Variants in NEBL observed in about 807,000 individuals in gnomAD.
The protein encoded by NEBL is nebulette, also known as LIM and SH3 protein 2.
A neutral mutation model predicts 140.2 loss-of-function variants in NEBL; 122 were observed. The observed-to-expected ratio is 0.87, with a 90% CI of 0.75 to 1.01. The LOEUF (loss-of-function observed/expected upper bound fraction) is 1.01, where lower values mean the gene tolerates loss of function less well. NEBL is among the 50% of genes least tolerant of loss of function. NEBL has a pLI of 0.00. For missense variants in NEBL, 1,365 were observed against 1,231.3 expected, an observed-to-expected ratio of 1.11 and a Z score of -1.62; for synonymous variants, 436 against 398.9, an observed-to-expected ratio of 1.09 and a Z score of -1.11.
intron 2 of NEBL, among the ~76,000 whole-genome samples, chr10:21,054,922 T>G (rs1834942166): frequency 6.6e-6 from 1 of 152,170 alleles, no homozygotes; most frequent in African/African-American, 2.4e-5. Flanking sequence ...CAAAGACAGA[T>G]TTCAATGCTT....
At chr10:21,090,196 C>G (rs1041772253) in intron 2 of NEBL, among the ~76,000 whole-genome samples, 25 of 152,284 alleles carry the variant, frequency 1.6e-4, no homozygotes, top group Admixed American at 1.4e-3. Context: ...GTATTTATCA[C>G]CCCAAGAACC....
At chr10:21,183,835 G>C (rs746651920) in intron 3 of NEBL, among the ~76,000 whole-genome samples, 19 of 152,118 alleles carry the variant, frequency 1.2e-4, no homozygotes, top group Admixed American at 6.5e-4. Flanking sequence ...CCAGTGAAAG[G>C]TAATTGAATC....
At chr10:20,851,211 T>C (rs1167675046) in intron 10 of NEBL, among the ~76,000 whole-genome samples, 3 of 152,190 alleles carry the variant, frequency 2.0e-5, no homozygotes, top group African/African-American at 7.2e-5. Context: ...ATTAAACTCA[T>C]AGAAGTTTTT....
intron 3 of NEBL, among the ~76,000 whole-genome samples, chr10:21,183,439 C>G (rs769947689): frequency 2.6e-5 from 4 of 152,066 alleles, no homozygotes; most frequent in Non-Finnish European, 5.9e-5. Context: ...GCAAACTTAA[C>G]AGGGCAAACA....
chr10:21,175,367 C>T (rs576753426), upstream of NEBL, among the ~76,000 whole-genome samples: 5 of 152,286 alleles, frequency 3.3e-5, no homozygotes, highest in South Asian at 1.0e-3. Flanking sequence ...GGAAGCTCCA[C>T]GGAAGAGTCA....
At chr10:21,281,629 A>G (rs1244760182) in intron 1 of NEBL, among the ~76,000 whole-genome samples, 5 of 152,014 alleles carry the variant, frequency 3.3e-5, no homozygotes, top group African/African-American at 9.7e-5. Context: ...ATCCCACACC[A>G]GTGTGGGACA....
At chr10:21,075,378 A>G (rs1836017975) in intron 2 of NEBL, among the ~76,000 whole-genome samples, 1 of 152,042 alleles carries the variant, frequency 6.6e-6, no homozygotes, top group Non-Finnish European at 1.5e-5. Context: ...GTAAATGAAG[A>G]GCTTATTTTT....
At chr10:21,144,236 T>C (rs1839780190) in intron 2 of NEBL, among the ~76,000 whole-genome samples, 1 of 152,210 alleles carries the variant, frequency 6.6e-6, no homozygotes, top group South Asian at 2.1e-4. Flanking sequence ...CCTTCACTTT[T>C]TCCCAGGATT....
chr10:20,834,997 T>C (rs769217214), intron 14 of NEBL, among the ~76,000 whole-genome samples: 8 of 152,356 alleles, frequency 5.3e-5, no homozygotes, highest in South Asian at 2.1e-4. Context: ...GTTCAGGTTA[T>C]ATCAGACCTC....
intron 3 of NEBL, among the ~76,000 whole-genome samples, chr10:21,215,154 G>A (rs901130335): frequency 7.2e-5 from 11 of 152,114 alleles, no homozygotes; most frequent in African/African-American, 2.7e-4. Flanking sequence ...GGTTAGATTT[G>A]CACAAATTAG....
intron 12 of NEBL, among the ~76,000 whole-genome samples, chr10:20,842,970 T>C (rs1260949492): frequency 6.6e-6 from 1 of 152,050 alleles, no homozygotes; most frequent in Non-Finnish European, 1.5e-5. Flanking sequence ...GGATTTGTCT[T>C]TCAGTGCCTG....
At chr10:20,800,530 A>C (rs935065607) in intron 26 of NEBL, among the ~76,000 whole-genome samples, 1 of 152,074 alleles carries the variant, frequency 6.6e-6, no homozygotes, top group Admixed American at 6.6e-5. Context: ...GTTCTATTTT[A>C]ATTTCTTTAG....
chr10:21,032,638 TTATGAGA>T (rs1240733455), intron 2 of NEBL, among the ~76,000 whole-genome samples: 327 of 24,292 alleles, frequency 0.013, 1 homozygote, highest in Non-Finnish European at 0.021. Context: ...GAAAGCAGAC[TTATGAGA>T]GCTGCTGATA....
chr10:20,926,698 T>C (rs1833929550), intron 4 of NEBL, among the ~76,000 whole-genome samples: 1 of 152,168 alleles, frequency 6.6e-6, no homozygotes, highest in African/African-American at 2.4e-5. Flanking sequence ...GGGGAGAGTG[T>C]GTCGTCTCGC....
At chr10:21,084,918 G>A (rs529979621) in intron 2 of NEBL, among the ~76,000 whole-genome samples, 2 of 152,290 alleles carry the variant, frequency 1.3e-5, no homozygotes, top group East Asian at 1.9e-4. Context: ...GGGAGTTTAC[G>A]CATGGCTAGC....
chr10:20,892,214 C>T (rs1847090752), intron 2 of NEBL, among the ~76,000 whole-genome samples: 1 of 152,206 alleles, frequency 6.6e-6, no homozygotes. Flanking sequence ...CAGTGTTTGG[C>T]CTGGGGAGCC....
At position 20,987,871 on chromosome 10, in the gene NEBL, C is replaced by T. The variant is rs554166196; in HGVS notation, c.250-26092G>A. ...CTGACATCACTAGGACTTCCACTGA[C>T]TCCACCTACTGGAATTGCCCACCAG... On this transcript the variant is annotated intron_variant, in intron 3 of 6. Transcript: ENST00000417816. Among the ~76,000 whole-genome samples the T allele has an allele frequency of 2.2e-4, 33 of 152,282 alleles. No homozygotes were observed. In the South Asian group the frequency reaches 3.3e-3, roughly 15 times the overall value.
At chr10:21,237,687 A>C (rs1422647033) in intron 3 of NEBL, among the ~76,000 whole-genome samples, 1 of 151,250 alleles carries the variant, frequency 6.6e-6, no homozygotes, top group Non-Finnish European at 1.5e-5. Context: ...GCTCACTGCA[A>C]CCTCCACCTC....
chr10:21,279,838 G>A (rs1332191954), intron 1 of NEBL, among the ~76,000 whole-genome samples: 2 of 152,084 alleles, frequency 1.3e-5, no homozygotes, highest in East Asian at 3.9e-4. Context: ...TGTCCCACGG[G>A]CCATCATTTG....
Sources: allele counts gnomAD v4.1 joint callset (sites outside exome capture counted in the v4.1 genomes callset), GRCh38; gene constraint gnomAD v4.1.1; transcripts MANE v1.5; gene names NCBI Gene and HGNC (gene_info 2026-07-23, HGNC 2026-07-21).